Variants in APBB2 observed in about 807,000 individuals in gnomAD.
The protein encoded by APBB2 is amyloid beta precursor protein binding family B member 2.
A neutral mutation model predicts 82.5 loss-of-function variants in APBB2; 38 were observed. The ratio of observed to expected loss-of-function variants is 0.46; its 90% CI spans 0.36 to 0.60. The LOEUF is 0.60. Among genes scored for constraint, APBB2 ranks in the 20% least tolerant of loss-of-function variants. The pLI, the probability that APBB2 is intolerant of heterozygous loss-of-function variation, is 0.00. For synonymous variants in APBB2, 341 were observed against 368.2 expected (o/e 0.93, Z 0.85); for missense variants, 772 against 972.3 (o/e 0.79, Z 2.74).
intron 10 of APBB2, among the ~76,000 whole-genome samples, chr4:40,909,933 T>C (rs1778092670): frequency 1.3e-5 from 2 of 152,144 alleles, no homozygotes; most frequent in South Asian, 4.1e-4. Context: ...TATTTCTTAT[T>C]TTCTAAATGA....
chr4:41,150,108 C>A (rs574271821), intron 1 of APBB2, among the ~76,000 whole-genome samples: 1 of 152,188 alleles, frequency 6.6e-6, no homozygotes, highest in Non-Finnish European at 1.5e-5. Flanking sequence ...CCAGATGATG[C>A]TAATACAGCC....
chr4:41,174,198 CT>C (rs1769126983), intron 1 of APBB2, among the ~76,000 whole-genome samples: 1 of 152,200 alleles, frequency 6.6e-6, no homozygotes, highest in Admixed American at 6.5e-5. Context: ...GAATCAACTA[CT>C]GAGATTTCTT....
intron 10 of APBB2, among the ~76,000 whole-genome samples, chr4:40,903,228 A>T (rs1775807020): frequency 1.5e-5 from 2 of 132,876 alleles, no homozygotes; most frequent in African/African-American, 6.4e-5. Flanking sequence ...TGGGAGGCCA[A>T]GGCCGGTGGA....
At chr4:41,199,362 T>C (rs1281702822) in intron 1 of APBB2, among the ~76,000 whole-genome samples, 5 of 152,144 alleles carry the variant, frequency 3.3e-5, no homozygotes, top group African/African-American at 4.8e-5. Flanking sequence ...ATCCAAAACA[T>C]ACATGAGAAA....
At chr4:40,888,428 G>C (rs368228239) in intron 12 of APBB2, among the ~76,000 whole-genome samples, 1 of 152,232 alleles carries the variant, frequency 6.6e-6, no homozygotes, top group African/African-American at 2.4e-5. Flanking sequence ...ACTCGTACAC[G>C]CATGGAATGT....
At chr4:40,843,627 AAAATATGC>A (rs1423619657) in intron 12 of APBB2, among the ~76,000 whole-genome samples, 3 of 152,250 alleles carry the variant, frequency 2.0e-5, no homozygotes, top group African/African-American at 7.2e-5. Flanking sequence ...CTTTTGTGAT[AAAATATGC>A]AAATATCTAC....
intron 3 of APBB2, among the ~76,000 whole-genome samples, chr4:41,094,751 G>A (rs796376943): frequency 2.0e-5 from 3 of 152,228 alleles, no homozygotes; most frequent in African/African-American, 7.2e-5. Context: ...TTTTAGTAGA[G>A]ACGGGGTTTC....
chr4:40,990,778 C>T (rs1200596140), intron 6 of APBB2, among the ~76,000 whole-genome samples: 22 of 152,176 alleles, frequency 1.4e-4, no homozygotes, highest in Admixed American at 1.4e-3. Flanking sequence ...ATTTTAAAAA[C>T]TGTGTCATCA....
At chr4:41,032,748 G>C (rs984711662) in intron 5 of APBB2, among the ~76,000 whole-genome samples, 1 of 133,530 alleles carries the variant, frequency 7.5e-6, no homozygotes, top group Non-Finnish European at 1.6e-5. Context: ...ACTAATTCTT[G>C]TACTTGATTT....
intron 4 of APBB2, among the ~76,000 whole-genome samples, chr4:41,060,327 A>G (rs929163542): frequency 6.6e-6 from 1 of 152,252 alleles, no homozygotes; most frequent in African/African-American, 2.4e-5. Flanking sequence ...AACTTGTAAT[A>G]TGCAAAGAAT....
At chr4:40,869,675 C>T (rs1764937429) in intron 12 of APBB2, among the ~76,000 whole-genome samples, 1 of 151,624 alleles carries the variant, frequency 6.6e-6, no homozygotes, top group Non-Finnish European at 1.5e-5. Context: ...ATTTTAGATT[C>T]TGAAGGCAGA....
At position 40,810,372 on chromosome 4, in the gene APBB2, C is replaced by T. The variant is rs975163259; in HGVS notation, c.*5720G>A. On this transcript the variant is annotated 3_prime_UTR_variant, in exon 18 of 18. Transcript: ENST00000508593. ...GCCACTTGAGCACCGGAGTTCCAGA[C>T]GAGCCTGGACAACATGGCGAAACCC... 2 of 151,964 alleles carry T rather than the reference C, an allele frequency of 1.3e-5. No individual in the cohort carries two copies. Among genetic ancestry groups the T allele is most frequent in the Non-Finnish European group, 2.9e-5 (2 of 67,988 alleles). 9.4% of individuals were successfully genotyped at this position (151,964 alleles called of 1,614,324 possible). A position where few individuals can be genotyped will look rare whatever the true frequency, so the allele number is the denominator to read the frequency against.
intron 3 of APBB2, among the ~76,000 whole-genome samples, chr4:41,079,547 C>T (rs1172740206): frequency 1.4e-5 from 2 of 142,798 alleles, no homozygotes; most frequent in Non-Finnish European, 3.1e-5. Context: ...GTAGGCTCAT[C>T]AATTTTTTTT....
chr4:41,059,333 C>A (rs185666666), intron 4 of APBB2, among the ~76,000 whole-genome samples: 1 of 152,242 alleles, frequency 6.6e-6, no homozygotes, highest in African/African-American at 2.4e-5. Context: ...TGGTGGCAGG[C>A]GCCTGTAATC....
At chr4:40,918,663 T>G (rs575017424) in intron 10 of APBB2, among the ~76,000 whole-genome samples, 1 of 152,074 alleles carries the variant, frequency 6.6e-6, no homozygotes, top group East Asian at 1.9e-4. Flanking sequence ...GGGGGCAGCT[T>G]TCTTTCTTTT....
intron 2 of APBB2, among the ~76,000 whole-genome samples, chr4:41,101,989 C>T (rs929141692): frequency 1.3e-5 from 2 of 150,440 alleles, no homozygotes; most frequent in African/African-American, 4.9e-5. Context: ...AAAAGAAAAA[C>T]ATGTTACTTC....
chr4:41,051,137 C>T (rs776944643), intron 4 of APBB2, among the ~76,000 whole-genome samples: 7 of 152,102 alleles, frequency 4.6e-5, no homozygotes, highest in South Asian at 2.1e-4. Flanking sequence ...AAAACAAAGG[C>T]GGGTCTCTAA....
At chr4:40,945,366 A>G (rs1375617710) in intron 6 of APBB2, among the ~76,000 whole-genome samples, 1 of 152,208 alleles carries the variant, frequency 6.6e-6, no homozygotes, top group African/African-American at 2.4e-5. Context: ...TGAACAAGCT[A>G]AAGCTCCAAA....
intron 17 of APBB2, among the ~76,000 whole-genome samples, chr4:40,818,717 G>A (rs1746695729): frequency 6.6e-6 from 1 of 152,106 alleles, no homozygotes; most frequent in South Asian, 2.1e-4. Flanking sequence ...AGTTCTTGCA[G>A]GGAGTTAGCC....
Sources: allele counts gnomAD v4.1 joint callset (sites outside exome capture counted in the v4.1 genomes callset), GRCh38; gene constraint gnomAD v4.1.1; transcripts MANE v1.5; gene names NCBI Gene and HGNC (gene_info 2026-07-23, HGNC 2026-07-21).